Variants in LARP1 observed in about 807,000 individuals in gnomAD.
The protein encoded by LARP1 is la-related protein 1.
LARP1 carries 36 observed loss-of-function variants against 122.7 expected under a neutral mutation model. The ratio of observed to expected loss-of-function variants is 0.29; its 90% CI spans 0.22 to 0.39. LARP1 has a LOEUF of 0.39. Ranked by LOEUF, LARP1 falls within the 10% of genes least tolerant of loss-of-function variation. The probability of loss-of-function intolerance (pLI) is 1.00; values close to 1 mark genes in which losing one functional copy is unlikely to be tolerated. For missense variants in LARP1, 1,040 were observed against 1,403.6 expected, an observed-to-expected ratio of 0.74 and a Z score of 4.14; for synonymous variants, 539 against 528.7, an observed-to-expected ratio of 1.02 and a Z score of -0.27.
chr5:154,690,400 C>T (rs1754137155), intron 1 of LARP1, among the ~76,000 whole-genome samples: 1 of 152,156 alleles, frequency 6.6e-6, no homozygotes, highest in East Asian at 1.9e-4. Flanking sequence ...CTTTGTCGTG[C>T]GGCAAGCCCC....
rs201041004 is a variant in LARP1 at position 154,813,921 on chromosome 5, A to G, written c.3116A>G (p.His1039Arg). ...GGTGAGGAGGGCAACCACAAGCGAC[A>G]CTCAGTGGTAGCAGGAGGTGGCGGC... ...PMGEEGNHKR[H>R]SVVAGGGGGE... Residue 1039 changes from histidine to arginine, a missense_variant, in exon 19 of 19, where the codon CAC (histidine) becomes CGC (arginine). This residue lies in a region of LARP1 where 129 missense variants were observed against 160.8 expected (regional missense o/e 0.80). Coordinates refer to ENST00000518297, the MANE Select transcript of LARP1 (RefSeq NM_033551.3). 6.2e-7 allele frequency: 1 copy of G among 1,614,002 alleles called. No homozygotes were observed. The highest frequency in any genetic ancestry group is 1.3e-5 in the African/African-American group (1 of 74,984).
chr5:154,692,107 G>C, intron 1 of LARP1, among the ~76,000 whole-genome samples: 1 of 152,162 alleles, frequency 6.6e-6, no homozygotes, highest in East Asian at 1.9e-4. Context: ...GGTCCCTTTC[G>C]AAGGAAACCT....
chr5:154,756,000 G>A lies in LARP1; in HGVS notation c.243G>A (p.Leu81=). 2.0e-6 allele frequency: 2 copies of A among 1,017,384 alleles called. No individual in the cohort carries two copies. Among genetic ancestry groups the A allele is most frequent in the Non-Finnish European group, 2.3e-6 (2 of 852,344 alleles). The allele number at this position is 1,017,384 out of a possible 1,614,324, so 63.0% of individuals were successfully genotyped here. The change falls in exon 1 of 19, where the codon CTG becomes CTA. Residue 81 remains leucine (L), a synonymous_variant. Coordinates refer to ENST00000518297, the MANE Select transcript of LARP1 (RefSeq NM_033551.3). ...GCGAGAGCCCGCGGCCGCTGCAGCT[G>A]CCCGGCGCCGAAGGCCCGGCCATCA... The part of the protein sequence containing the change: ...QERESPRPLQ[L]PGAEGPAISD...
chr5:154,793,868 G>T lies in LARP1; in HGVS notation c.937G>T (p.Glu313Ter). Residue 313 changes from glutamate to a stop codon, truncating the protein, a stop_gained, in exon 6 of 19, where the codon GAG (glutamate) becomes TAG (stop). Transcript: ENST00000518297. LOFTEE classifies it high-confidence loss of function. Reference sequence around the variant, plus strand: ...AGCCTGGCAACCAGAGATCAAACCGGAGCCTGCCTGGCACGACCAGGATGA... The same window carrying T: ...AGCCTGGCAACCAGAGATCAAACCGTAGCCTGCCTGGCACGACCAGGATGA... The part of the protein sequence containing the change: ...TPAWQPEIKP[E>*]PAWHDQDETS... 6.2e-7 allele frequency: 1 copy of T among 1,614,204 alleles called. No individual in the cohort carries two copies. The highest frequency in any genetic ancestry group is 8.5e-7 in the Non-Finnish European group (1 of 1,180,036).
intron 1 of LARP1, among the ~76,000 whole-genome samples, chr5:154,691,687 C>G (rs1245473063): frequency 2.0e-5 from 3 of 152,210 alleles, no homozygotes; most frequent in Non-Finnish European, 4.4e-5. Context: ...GGGCAGCTCA[C>G]GTGAATGGGC....
intron 1 of LARP1, among the ~76,000 whole-genome samples, chr5:154,783,411 T>C (rs922224900): frequency 1.3e-5 from 2 of 152,186 alleles, no homozygotes; most frequent in Non-Finnish European, 2.9e-5. Flanking sequence ...GCTGTTAGCT[T>C]AGGCTTCCCT....
At chr5:154,721,106 G>A (rs1275494559) in intron 1 of LARP1, among the ~76,000 whole-genome samples, 1 of 152,060 alleles carries the variant, frequency 6.6e-6, no homozygotes, top group Non-Finnish European at 1.5e-5. Flanking sequence ...TCTTTGGGAA[G>A]CTGAGGTGGG....
intron 1 of LARP1, among the ~76,000 whole-genome samples, chr5:154,731,420 G>A (rs144206810): frequency 6.6e-6 from 1 of 152,188 alleles, no homozygotes; most frequent in Non-Finnish European, 1.5e-5. Context: ...TAGCATAACC[G>A]TATTGCTGTA....
rs1037913465 is a variant in LARP1, at chr5:154,706,034, G to A, written c.-180+22997G>A. ...CATATGGCCGGGCGCGGTGGCTCAC[G>A]CCTGTAATCCCAGCACTTTGGGAGG... On this transcript the variant is annotated intron_variant, in intron 1 of 18. Transcript: ENST00000687700. Among the ~76,000 whole-genome samples, 9 of 152,180 alleles carry A rather than the reference G, an allele frequency of 5.9e-5. No individual in the cohort carries two copies. In the East Asian group the frequency reaches 1.4e-3, roughly 23 times the overall value.
intron 1 of LARP1, among the ~76,000 whole-genome samples, chr5:154,743,077 C>G (rs762623903): frequency 2.0e-5 from 3 of 152,160 alleles, no homozygotes; most frequent in Non-Finnish European, 4.4e-5. Flanking sequence ...TACAGCCAAA[C>G]ACTCATTTAA....
chr5:154,793,942 CCGTGGCCGTGGACGGGGG>C lies in LARP1; in HGVS notation c.1017_1034del (p.Arg348_Gly353del). On this transcript the variant is annotated inframe_deletion, in exon 6 of 19. Transcript: ENST00000518297. ...GGGCTGGTGGGGCGCGGGCTTCCTT[CCGTGGCCGTGGACGGGGG>C]CGTGGTCGCGGCCGGGGACGCGGCC... 6.2e-7 allele frequency: 1 copy of C among 1,613,762 alleles called. No individual in the cohort carries two copies. The highest frequency in any genetic ancestry group is 8.5e-7 in the Non-Finnish European group (1 of 1,179,722).
chr5:154,815,062 T>G lies in LARP1; in HGVS notation c.*966T>G, dbSNP rs1759575914. The G allele has an allele frequency of 1.3e-5, 2 of 152,556 alleles. No homozygotes were observed. The highest frequency in any genetic ancestry group is 2.9e-5 in the Non-Finnish European group (2 of 68,010). 9.5% of individuals were successfully genotyped at this position (152,556 alleles called of 1,614,324 possible). On this transcript the variant is annotated 3_prime_UTR_variant, in exon 19 of 19. Transcript: ENST00000518297. The stretch of plus-strand genomic sequence containing the variant: ...ATACCCAAATGCCTGTTTTCCTCGG[T>G]GGAGTCAACCCGAAGAGCTCCCACC...
intron 10 of LARP1, among the ~76,000 whole-genome samples, chr5:154,801,796 G>A (rs1466390363): frequency 6.6e-6 from 1 of 152,236 alleles, no homozygotes; most frequent in Non-Finnish European, 1.5e-5. Context: ...TATGAGCTGT[G>A]AGTGGAGGAA....
intron 1 of LARP1, among the ~76,000 whole-genome samples, chr5:154,739,987 C>G (rs1422071382): frequency 1.3e-5 from 2 of 150,028 alleles, no homozygotes; most frequent in African/African-American, 4.9e-5. Flanking sequence ...TAGCCTGAGG[C>G]CAGGAGTTGG....
rs567707221 is a variant in LARP1 at position 154,720,755 on chromosome 5, C to G, written c.205+7625C>G. Among the ~76,000 whole-genome samples, 225 of 152,194 alleles carry G rather than the reference C, an allele frequency of 1.5e-3. 2 individuals carry two copies. The highest frequency in any genetic ancestry group is 2.6e-3 in the Non-Finnish European group (179 of 67,994). ...AGAAAAAATTCTTTCCTTCCAAGTT[C>G]AGAGATACCCTGAATTCTATTTGTG... On this transcript the variant is annotated intron_variant, in intron 1 of 18. Transcript: ENST00000336314.
chr5:154,749,959 G>A (rs914044031), intron 1 of LARP1, among the ~76,000 whole-genome samples: 1 of 152,142 alleles, frequency 6.6e-6, no homozygotes, highest in African/African-American at 2.4e-5. Flanking sequence ...TGTAAACTTT[G>A]TATTTTCTTC....
Position 154,795,319 on chromosome 5 carries a change from G to A in LARP1, c.1377G>A (p.Ala459=). The change falls in exon 8 of 19, where the codon GCG becomes GCA. Residue 459 remains alanine, a splice_region_variant and synonymous_variant. Transcript: ENST00000518297. The part of the protein sequence containing the change: ...ALTTDISLIF[A]ALKDSKVVEI... ...CCACTGACATTTCACTCATCTTTGC[G>A]GTATGTCTTCCTCCCTGGAGCTGGG... is the stretch of plus-strand genomic sequence containing the variant. 6.2e-7 allele frequency: 1 copy of A among 1,613,530 alleles called. No individual in the cohort carries two copies. The highest frequency in any genetic ancestry group is 8.5e-7 in the Non-Finnish European group (1 of 1,179,716).
intron 1 of LARP1, among the ~76,000 whole-genome samples, chr5:154,741,608 G>A (rs547704741): frequency 2.0e-5 from 3 of 152,246 alleles, no homozygotes; most frequent in African/African-American, 7.2e-5. Context: ...GAATGCAGTG[G>A]GAACACCATG....
chr5:154,754,155 C>T (rs1012867136), upstream of LARP1, among the ~76,000 whole-genome samples: 1 of 152,168 alleles, frequency 6.6e-6, no homozygotes, highest in African/African-American at 2.4e-5. Flanking sequence ...AACTGATTAC[C>T]ACAGTTTAAC....
Sources: allele counts gnomAD v4.1 joint callset (sites outside exome capture counted in the v4.1 genomes callset), GRCh38; gene constraint gnomAD v4.1.1; regional missense constraint gnomAD v4.1.1; transcripts MANE v1.5; gene names NCBI Gene and HGNC (gene_info 2026-07-23, HGNC 2026-07-21).